SLC29A2: variants seen among roughly 807,000 people sequenced by gnomAD.
The protein encoded by SLC29A2 is equilibrative nucleoside transporter 2.
SLC29A2 carries 37 observed loss-of-function variants against 48.8 expected under a neutral mutation model. The ratio of observed to expected loss-of-function variants is 0.76; its 90% CI spans 0.58 to 1.00. The LOEUF is 1.00. Among genes scored for constraint, SLC29A2 ranks in the 50% least tolerant of loss-of-function variants. SLC29A2 has a pLI of 0.00. For synonymous variants in SLC29A2, 233 were observed against 261.7 expected (o/e 0.89, Z 1.06); for missense variants, 533 against 578.6 (o/e 0.92, Z 0.81).
In SLC29A2 at chr11:66,363,528, T is replaced by C; in HGVS notation, c.1279A>G (p.Arg427Gly). 1 of 1,613,488 alleles carries C rather than the reference T, an allele frequency of 6.2e-7. No individual in the cohort carries two copies. Among genetic ancestry groups the C allele is most frequent in the Non-Finnish European group, 8.5e-7 (1 of 1,179,724 alleles). ...LAPRQVLPHE[R>G]EVAGALMTFF... ...GTCATGAGGGCGCCGGCCACCTCCC[T>C]CTCGTGTGGCAGCACCTGCCTAGAA... Residue 427 changes from arginine to glycine, a missense_variant, in exon 12 of 12, where the codon AGG becomes GGG. Transcript: ENST00000357440.
chr11:66,364,119 T>G (rs1225544266), intron 11 of SLC29A2, 106 bp downstream of exon 11: 2 of 965,552 alleles, frequency 2.1e-6, no homozygotes, highest in Admixed American at 2.1e-5. Context: ...AGGGTTGGGC[T>G]GGCCAGAAGC....
Position 66,363,503 on chromosome 11 carries a change from G to T in SLC29A2, c.1304C>A (p.Thr435Asn). The change falls in exon 12 of 12, where the codon ACC becomes AAC. Residue 435 changes from threonine (T) to asparagine (N), a missense_variant. Coordinates refer to ENST00000357440, the MANE Select transcript of SLC29A2 (RefSeq NM_001532.3). ...HEREVAGALMTFFLALGLSCG... is the reference protein window; with the variant it reads ...HEREVAGALMNFFLALGLSCG... ...GGAAAGTCCCAGGGCCAGGAAGAAGGTCATGAGGGCGCCGGCCACCTCCCT... is the reference window on the plus strand; with the variant it reads ...GGAAAGTCCCAGGGCCAGGAAGAAGTTCATGAGGGCGCCGGCCACCTCCCT... 1.2e-6 allele frequency: 2 copies of T among 1,614,152 alleles called. No homozygotes were observed. Among genetic ancestry groups the T allele is most frequent in the African/African-American group, 1.3e-5 (1 of 75,064 alleles).
Position 66,366,555 on chromosome 11 carries a change from C to T in SLC29A2, c.743G>A (p.Gly248Glu). The change falls in exon 8 of 12, where the codon GGG becomes GAG. Residue 248 changes from glycine to glutamate, a missense_variant. Physicochemically the swap from Gly to Glu is moderately conservative, Grantham distance 98. Coordinates refer to ENST00000357440, the MANE Select transcript of SLC29A2 (RefSeq NM_001532.3). ...KAELLQSDEN[G>E]IPSSPQKVAL... is the part of the protein sequence containing the mutation. ...TACTTTCTGGGGACTACTGGGAATC[C>T]CGTTCTCATCTGGGGTGAGGGGGGA... 6.2e-7 allele frequency: 1 copy of T among 1,613,654 alleles called. No individual in the cohort carries two copies. The highest frequency in any genetic ancestry group is 8.5e-7 in the Non-Finnish European group (1 of 1,180,022).
chr11:66,367,132 T>C (rs1282847574), intron 7 of SLC29A2, among the ~76,000 whole-genome samples: 1 of 152,204 alleles, frequency 6.6e-6, no homozygotes, highest in Non-Finnish European at 1.5e-5. Flanking sequence ...AAATGACACA[T>C]TGAGGTTCAG....
intron 8 of SLC29A2, 41 bp from the exon 9 acceptor site, chr11:66,366,272 C>T: frequency 2.5e-6 from 4 of 1,601,646 alleles, no homozygotes; most frequent in Non-Finnish European, 3.4e-6. Flanking sequence ...CAGGGCAGTC[C>T]CAGGGCCCCA....
Position 66,367,795 on chromosome 11 carries a change from A to G in SLC29A2, c.625T>C (p.Cys209Arg), listed in dbSNP as rs758823262. 8.7e-6 allele frequency: 14 copies of G among 1,614,062 alleles called. No individual in the cohort carries two copies. The highest frequency in any genetic ancestry group is 9.3e-6 in the Non-Finnish European group (11 of 1,180,006). Residue 209 changes from cysteine to arginine, a missense_variant, in exon 6 of 12, where the codon TGT (cysteine) becomes CGT (arginine). By Grantham distance (180) the Cys-to-Arg change is radical (BLOSUM62 -3). Transcript: ENST00000357440. ...ACCAGGTGAGGCAGGCTCAGGTAAC[A>G]CACGATGGACATGAGGATGCCCACA... is the stretch of plus-strand genomic sequence containing the variant. ...PCVGILMSIV[C>R]YLSLPHLKFA...
At chr11:66,363,718 A>G (rs1855501426) in intron 11 of SLC29A2, 171 bp from the exon 12 acceptor site, 2 of 656,504 alleles carry the variant, frequency 3.0e-6, no homozygotes, top group Non-Finnish European at 5.6e-6. Context: ...GCTGCTGGAT[A>G]AGGATGTCTC....
In SLC29A2 at chr11:66,365,976, A is replaced by C. The variant is rs1169474157; in HGVS notation, c.1019T>G (p.Met340Arg). The C allele has an allele frequency of 1.9e-6, 3 of 1,614,082 alleles. No homozygotes were observed. The highest frequency in any genetic ancestry group is 2.7e-5 in the African/African-American group (2 of 74,924). ...PICCFLLFNIMDWLGRSLTSY... is the reference protein window; with the variant it reads ...PICCFLLFNIRDWLGRSLTSY... ...GGTCAGGCTCCGTCCCAGCCAGTCC[A>C]TGATGTTGAAGAGGAGGAAGCAGCA... Residue 340 changes from methionine to arginine, a missense_variant, in exon 10 of 12, where the codon ATG becomes AGG. Met to Arg is a moderately conservative substitution (Grantham distance 91, BLOSUM62 -1). Transcript: ENST00000357440.
chr11:66,371,198 G>A (rs766921418), intron 2 of SLC29A2, 46 bp downstream of exon 2: 1 of 1,541,600 alleles, frequency 6.5e-7, no homozygotes, highest in South Asian at 1.1e-5. Context: ...TGGAGGGAGG[G>A]GTGCTGGCTG....
At chr11:66,367,946 C>T (rs1804943839) in intron 5 of SLC29A2, 77 bp from the exon 6 acceptor site, 2 of 1,132,396 alleles carry the variant, frequency 1.8e-6, no homozygotes, top group Admixed American at 1.9e-5. Flanking sequence ...TCTTGTCCCA[C>T]TTCCCATTGT....
At position 66,364,241 on chromosome 11, in the gene SLC29A2, T is replaced by C; in HGVS notation, c.1243A>G (p.Met415Val). 1.7e-6 allele frequency: 2 copies of C among 1,151,802 alleles called. No homozygotes were observed. Among genetic ancestry groups the C allele is most frequent in the Non-Finnish European group, 2.4e-6 (2 of 824,662 alleles). The allele number at this position is 1,151,802 out of a possible 1,614,324, so 71.3% of individuals were successfully genotyped here. A position where few individuals can be genotyped will look rare whatever the true frequency, so the allele number is the denominator to read the frequency against. ...VSNGYLVSLTMCLAPRQVLPH... is the reference protein window; with the variant it reads ...VSNGYLVSLTVCLAPRQVLPH... ...GCCCCGGACCTGGGCGCCAGGCACATGGTGAGGGACACCAGGTAGCCATTA... is the reference window on the plus strand; with the variant it reads ...GCCCCGGACCTGGGCGCCAGGCACACGGTGAGGGACACCAGGTAGCCATTA... The change falls in exon 11 of 12, where the codon ATG becomes GTG. Residue 415 changes from methionine (M) to valine (V), a missense_variant. Coordinates refer to ENST00000357440, the MANE Select transcript of SLC29A2 (RefSeq NM_001532.3).
chr11:66,367,745 G>A (rs1468983199), intron 6 of SLC29A2, 27 bp downstream of exon 6: 2 of 1,599,134 alleles, frequency 1.3e-6, no homozygotes, highest in South Asian at 1.1e-5. Flanking sequence ...CTTTGAGGTG[G>A]GGCCTCGAGC....
intron 2 of SLC29A2, among the ~76,000 whole-genome samples, chr11:66,370,088 CT>C: frequency 6.6e-6 from 1 of 152,366 alleles, no homozygotes; most frequent in South Asian, 2.1e-4. Flanking sequence ...CCAGGCAGCC[CT>C]GGCTGTGGAT....
intron 10 of SLC29A2, among the ~76,000 whole-genome samples, chr11:66,364,978 G>A (rs948924212): frequency 2.6e-5 from 4 of 151,876 alleles, no homozygotes; most frequent in African/African-American, 4.8e-5. Flanking sequence ...ACAGAGTCTC[G>A]CTCTGTCTCC....
At chr11:66,371,443 C>T (rs1856035730) in intron 1 of SLC29A2, 118 bp from the exon 2 acceptor site, 1 of 1,507,016 alleles carries the variant, frequency 6.6e-7, no homozygotes, top group Non-Finnish European at 9.1e-7. Context: ...GTTCCGGCGG[C>T]CGAGGGAGTC....
At position 66,362,751 on chromosome 11, in the gene SLC29A2, A is replaced by G. The variant is rs1855454725; in HGVS notation, c.*685T>C. On this transcript the variant is annotated 3_prime_UTR_variant, in exon 12 of 12. Transcript: ENST00000357440. Reference sequence around the variant, plus strand: ...GTTTTGTCACCTGTATAATGGGGGAAGCACAATCCTTGCCTGACTCCTTCC... The same window carrying G: ...GTTTTGTCACCTGTATAATGGGGGAGGCACAATCCTTGCCTGACTCCTTCC... 1 of 153,326 alleles carries G rather than the reference A, an allele frequency of 6.5e-6. No homozygotes were observed. The highest frequency in any genetic ancestry group is 2.1e-4 in the South Asian group (1 of 4,862). The allele number at this position is 153,326 out of a possible 1,614,324, so 9.5% of individuals were successfully genotyped here. A position where few individuals can be genotyped will look rare whatever the true frequency, so the allele number is the denominator to read the frequency against.
At chr11:66,371,406 G>A (rs1856032422) in intron 1 of SLC29A2, 81 bp from the exon 2 acceptor site, 8 of 1,551,404 alleles carry the variant, frequency 5.2e-6, no homozygotes, top group Non-Finnish European at 7.1e-6. Flanking sequence ...ACCCCCTCCG[G>A]AGCGGACTAC....
At chr11:66,368,401 G>T in intron 5 of SLC29A2, 136 bp downstream of exon 5, 2 of 1,195,896 alleles carry the variant, frequency 1.7e-6, no homozygotes, top group Non-Finnish European at 2.4e-6. Context: ...CCTAGCCCCA[G>T]ACCCAATCCC....
intron 2 of SLC29A2, 149 bp from the exon 3 acceptor site, chr11:66,369,681 C>T: frequency 1.1e-6 from 1 of 915,242 alleles, no homozygotes; most frequent in Non-Finnish European, 1.7e-6. Flanking sequence ...AGTCGGAGCT[C>T]CATGAATGTG....
Sources: gnomAD v4.1 joint callset for allele counts (sites outside exome capture counted in the v4.1 genomes callset) on GRCh38, gnomAD v4.1.1 for gene constraint, MANE v1.5 for transcripts, NCBI Gene and HGNC (gene_info 2026-07-23, HGNC 2026-07-21) for gene names.